Variants in SH3GL2 observed in about 807,000 individuals in gnomAD.
SH3GL2 encodes SH3 domain containing GRB2 like 2, endophilin A1, also known as endophilin-A1.
A neutral mutation model predicts 46.0 loss-of-function variants in SH3GL2; 24 were observed. The ratio of observed to expected loss-of-function variants is 0.52; its 90% CI spans 0.38 to 0.73. The LOEUF (loss-of-function observed/expected upper bound fraction) is 0.73, where lower values mean the gene tolerates loss of function less well. Among genes scored for constraint, SH3GL2 ranks in the 30% least tolerant of loss-of-function variants. The probability of loss-of-function intolerance (pLI) is 0.00; values close to 1 mark genes in which losing one functional copy is unlikely to be tolerated. For missense variants in SH3GL2, 413 were observed against 424.2 expected, an observed-to-expected ratio of 0.97 and a Z score of 0.23; for synonymous variants, 196 against 147.1, an observed-to-expected ratio of 1.33 and a Z score of -2.40.
chr9:17,579,189 C>G lies in SH3GL2; in HGVS notation c.-54C>G. 2.2e-6 allele frequency: 3 copies of G among 1,387,228 alleles called. No homozygotes were observed. Among genetic ancestry groups the G allele is most frequent in the East Asian group, 3.0e-5 (1 of 33,482 alleles). The allele number at this position is 1,387,228 out of a possible 1,614,324, so 85.9% of individuals were successfully genotyped here. A position where few individuals can be genotyped will look rare whatever the true frequency, so the allele number is the denominator to read the frequency against. ...GCGCCGCCCCGCTCGGCCCTCCAGT[C>G]CCCCTCCGCCTCCTCCCTCCCGCAC... is the stretch of plus-strand genomic sequence containing the variant. On this transcript the variant is annotated 5_prime_UTR_variant, in exon 1 of 9. Coordinates refer to ENST00000380607, the MANE Select transcript of SH3GL2 (RefSeq NM_003026.5).
At chr9:17,602,703 AT>A (rs1563777391) in intron 1 of SH3GL2, among the ~76,000 whole-genome samples, 1 of 152,106 alleles carries the variant, frequency 6.6e-6, no homozygotes, top group Non-Finnish European at 1.5e-5. Flanking sequence ...TTATTTCTCC[AT>A]TTTTGGGGAA....
At chr9:17,769,146 C>G (rs1823400839) in intron 3 of SH3GL2, among the ~76,000 whole-genome samples, 1 of 152,198 alleles carries the variant, frequency 6.6e-6, no homozygotes, top group African/African-American at 2.4e-5. Flanking sequence ...ATCAGCCCTT[C>G]TAACTTCCTA....
intron 2 of SH3GL2, among the ~76,000 whole-genome samples, chr9:17,758,561 C>CAAAAAA (rs57019804): frequency 0.011 from 308 of 29,196 alleles, 36 homozygotes; most frequent in African/African-American, 0.02. Context: ...GACCCTGTCT[C>CAAAAAA]AAAAAAAAAA....
rs537596883 is a variant in SH3GL2, at chr9:17,628,557, T to C, written c.45+49270T>C. On this transcript the variant is annotated intron_variant, in intron 1 of 8. Transcript: ENST00000380607. The stretch of plus-strand genomic sequence containing the variant: ...TTCAGACATTTTGATTTAAAGATCT[T>C]AAGGTAAGAGAAGTAGAGTTAACAG... 6.0e-4 allele frequency among the ~76,000 whole-genome samples: 91 copies of C among 152,232 alleles called. 1 individual carries two copies. The highest frequency in any genetic ancestry group is 2.0e-3 in the African/African-American group (84 of 41,538).
At chr9:17,761,291 C>T (rs1305637508) in intron 2 of SH3GL2, 146 bp from the exon 3 acceptor site, 1 of 645,318 alleles carries the variant, frequency 1.5e-6, no homozygotes, top group Non-Finnish European at 2.8e-6. Context: ...GCATGACTTC[C>T]AGCCGCGTCT....
intron 1 of SH3GL2, among the ~76,000 whole-genome samples, chr9:17,723,599 G>A (rs1229321014): frequency 2.0e-5 from 3 of 152,060 alleles, no homozygotes; most frequent in Admixed American, 6.6e-5. Context: ...ACCTTTAATG[G>A]AAAGGTCGGT....
At chr9:17,671,201 A>C (rs751803513) in intron 1 of SH3GL2, among the ~76,000 whole-genome samples, 7 of 152,074 alleles carry the variant, frequency 4.6e-5, no homozygotes, top group Non-Finnish European at 8.8e-5. Flanking sequence ...TTCAGCTTTT[A>C]AGTCATTCAT....
intron 3 of SH3GL2, among the ~76,000 whole-genome samples, chr9:17,770,196 T>C (rs1212048888): frequency 1.3e-5 from 2 of 152,186 alleles, no homozygotes; most frequent in African/African-American, 4.8e-5. Flanking sequence ...GTGCATACTG[T>C]CATGTATAAA....
intron 1 of SH3GL2, among the ~76,000 whole-genome samples, chr9:17,592,914 G>C (rs1396451686): frequency 1.3e-5 from 2 of 152,142 alleles, no homozygotes; most frequent in African/African-American, 2.4e-5. Context: ...GGGAAAGGGG[G>C]TGAAGGTTAA....
intron 2 of SH3GL2, among the ~76,000 whole-genome samples, chr9:17,755,018 C>T (rs1335053407): frequency 2.0e-5 from 3 of 152,110 alleles, no homozygotes; most frequent in Non-Finnish European, 4.4e-5. Flanking sequence ...ACTTCCAATA[C>T]TATGTTAAAT....
chr9:17,783,344 A>T (rs1823866261), intron 3 of SH3GL2, among the ~76,000 whole-genome samples: 1 of 151,636 alleles, frequency 6.6e-6, no homozygotes, highest in African/African-American at 2.4e-5. Context: ...ACTAAGATTT[A>T]GCAGAAGTAC....
intron 1 of SH3GL2, chr9:17,589,275 C>G (rs139821155): frequency 1.5e-4 from 23 of 152,384 alleles, no homozygotes; most frequent in African/African-American, 5.5e-4. Context: ...AAGCAATCCT[C>G]CCACCTCAGC....
chr9:17,770,041 T>A (rs1823426832), intron 3 of SH3GL2, among the ~76,000 whole-genome samples: 1 of 152,228 alleles, frequency 6.6e-6, no homozygotes, highest in African/African-American at 2.4e-5. Context: ...ATAAGCTCCA[T>A]CTTACGGGAG....
intron 1 of SH3GL2, among the ~76,000 whole-genome samples, chr9:17,691,370 G>T (rs2209435): frequency 0.49 from 73,897 of 151,932 alleles, 18,307 homozygotes; most frequent in Admixed American, 0.59. Context: ...TGTGTTTTGT[G>T]TGTCTCTTTT....
intron 1 of SH3GL2, among the ~76,000 whole-genome samples, chr9:17,661,278 A>AT (rs1268353521): frequency 6.6e-6 from 1 of 152,192 alleles, no homozygotes; most frequent in African/African-American, 2.4e-5. Context: ...GGATAAAGCT[A>AT]TGGGGGGCAG....
chr9:17,683,977 G>C (rs1387542606), intron 1 of SH3GL2, among the ~76,000 whole-genome samples: 1 of 152,086 alleles, frequency 6.6e-6, no homozygotes, highest in East Asian at 1.9e-4. Flanking sequence ...TTCATTTCCA[G>C]GCACAAATAC....
chr9:17,747,207 C>A, intron 2 of SH3GL2, 73 bp downstream of exon 2: 2 of 887,874 alleles, frequency 2.3e-6, no homozygotes, highest in Non-Finnish European at 3.6e-6. Flanking sequence ...GAAGAGAAAA[C>A]GGGAGAGGGC....
At chr9:17,652,357 C>A (rs1819977140) in intron 1 of SH3GL2, among the ~76,000 whole-genome samples, 1 of 151,590 alleles carries the variant, frequency 6.6e-6, no homozygotes, top group South Asian at 2.1e-4. Context: ...TTTTATATTT[C>A]AGATATGTGC....
At chr9:17,708,336 G>A (rs3808693) in intron 1 of SH3GL2, among the ~76,000 whole-genome samples, 18,592 of 151,706 alleles carry the variant, frequency 0.12, 3,394 homozygotes, top group African/African-American at 0.4. Context: ...TGATTATCAC[G>A]CTTTATATAT....
Sources: allele counts gnomAD v4.1 joint callset (sites outside exome capture counted in the v4.1 genomes callset), GRCh38; gene constraint gnomAD v4.1.1; transcripts MANE v1.5; gene names NCBI Gene and HGNC (gene_info 2026-07-23, HGNC 2026-07-21).